Variants in TNNI3K observed in about 807,000 individuals in gnomAD.
The protein encoded by TNNI3K is TNNI3 interacting kinase.
In TNNI3K, 140 loss-of-function variants were observed where a neutral mutation model predicts 114.5. The ratio of observed to expected loss-of-function variants is 1.22; its 90% CI spans 1.07 to 1.41. The LOEUF is 1.41. Among genes scored for constraint, TNNI3K ranks in the 40% most tolerant of loss-of-function variants. The probability of loss-of-function intolerance (pLI) is 0.00; values close to 1 mark genes in which losing one functional copy is unlikely to be tolerated. For synonymous variants in TNNI3K, 347 were observed against 347.5 expected (o/e 1.00, Z 0.02); for missense variants, 1,125 against 1,007.6 (o/e 1.12, Z -1.58).
At chr1:74,412,097 G>A (rs894923318) in intron 17 of TNNI3K, among the ~76,000 whole-genome samples, 2 of 152,088 alleles carry the variant, frequency 1.3e-5, no homozygotes, top group Admixed American at 1.3e-4. Flanking sequence ...AGATAAAAGA[G>A]CCCTGCTTAT....
chr1:74,336,358 T>A (rs1048220175), intron 7 of TNNI3K, among the ~76,000 whole-genome samples: 2 of 152,186 alleles, frequency 1.3e-5, no homozygotes, highest in Admixed American at 6.5e-5. Context: ...TCTTTTTTAT[T>A]TTTAATTATA....
chr1:74,415,537 T>A (rs1665075191), intron 17 of TNNI3K, among the ~76,000 whole-genome samples: 1 of 152,162 alleles, frequency 6.6e-6, no homozygotes, highest in Non-Finnish European at 1.5e-5. Flanking sequence ...TCTTTCTTAC[T>A]TTTTGAAAAA....
rs572661123 is a variant in TNNI3K at position 74,296,459 on chromosome 1, A to G, written c.444+24751A>G. ...ATGCTATGTCATAATTATTATTTTT[A>G]ATATAGACTATTTATTTAGCTTTAA... On this transcript the variant is annotated intron_variant, in intron 5 of 24. Coordinates refer to ENST00000326637, the MANE Select transcript of TNNI3K (RefSeq NM_015978.3). Among the ~76,000 whole-genome samples the G allele has an allele frequency of 2.1e-4, 32 of 152,116 alleles. No individual in the cohort carries two copies. The South Asian group carries it at 6.6e-3, about 32-fold the overall frequency.
intron 20 of TNNI3K, among the ~76,000 whole-genome samples, chr1:74,447,249 T>C (rs987345771): frequency 6.7e-6 from 1 of 149,390 alleles, no homozygotes; most frequent in African/African-American, 2.5e-5. Flanking sequence ...CTTGAAGAGG[T>C]CCTTCACATC....
intron 17 of TNNI3K, chr1:74,378,610 A>ATATG (rs1456165616): frequency 1.6e-3 from 115 of 69,942 alleles, no homozygotes; most frequent in African/African-American, 7.0e-3. Context: ...ATATATATAT[A>ATATG]TATATATATA....
chr1:74,352,077 C>A lies in TNNI3K; in HGVS notation c.933-1189C>A, dbSNP rs1379055466. Among the ~76,000 whole-genome samples the A allele has an allele frequency of 2.0e-5, 3 of 152,214 alleles. No homozygotes were observed. In the South Asian group the frequency reaches 6.2e-4, roughly 32 times the overall value. On this transcript the variant is annotated intron_variant, in intron 9 of 24. Coordinates refer to ENST00000326637, the MANE Select transcript of TNNI3K (RefSeq NM_015978.3). ...TAGAGTTTCTGGTTGTTCTGCTCTG[C>A]TTTTTCCCCATCTTTGTGGTTTTAT...
chr1:74,389,646 GAT>G (rs1663663193), intron 17 of TNNI3K, among the ~76,000 whole-genome samples: 1 of 152,156 alleles, frequency 6.6e-6, no homozygotes, highest in South Asian at 2.1e-4. Context: ...GGCTGGGCAA[GAT>G]AAAGGACCAG....
At chr1:74,413,289 G>A (rs961984809) in intron 17 of TNNI3K, among the ~76,000 whole-genome samples, 3 of 152,172 alleles carry the variant, frequency 2.0e-5, no homozygotes, top group Non-Finnish European at 2.9e-5. Flanking sequence ...CTGGATATTA[G>A]TATAGAACAA....
chr1:74,542,498 A>G (rs1329077483), intron 24 of TNNI3K, among the ~76,000 whole-genome samples: 1 of 152,134 alleles, frequency 6.6e-6, no homozygotes, highest in African/African-American at 2.4e-5. Flanking sequence ...ATCCTCCCCC[A>G]TCATAACCTT....
chr1:74,464,399 G>T lies in TNNI3K; in HGVS notation c.2121+849G>T, dbSNP rs557117338. ...GTATTAGTTTGCATTCTTCACAATG[G>T]AGGACCTCATATGTAAAGACCTAAT... On this transcript the variant is annotated intron_variant, in intron 21 of 24. Transcript: ENST00000326637. Among the ~76,000 whole-genome samples the T allele has an allele frequency of 1.8e-4, 28 of 152,250 alleles. No individual in the cohort carries two copies. In the South Asian group the frequency reaches 5.8e-3, roughly 32 times the overall value.
intron 5 of TNNI3K, among the ~76,000 whole-genome samples, chr1:74,295,702 T>C (rs1273571193): frequency 1.3e-5 from 2 of 152,172 alleles, no homozygotes; most frequent in Non-Finnish European, 2.9e-5. Context: ...GCATGACATT[T>C]TTCTTTTGAT....
chr1:74,494,714 T>C (rs1314847742), intron 23 of TNNI3K, among the ~76,000 whole-genome samples: 1 of 152,246 alleles, frequency 6.6e-6, no homozygotes, highest in Non-Finnish European at 1.5e-5. Flanking sequence ...ATCTTGGCTT[T>C]GCCATGTACT....
At chr1:74,262,745 T>C (rs1557458961) in intron 4 of TNNI3K, among the ~76,000 whole-genome samples, 1 of 152,084 alleles carries the variant, frequency 6.6e-6, no homozygotes, top group South Asian at 2.1e-4. Context: ...CATAATCTCT[T>C]TCTAAATGAA....
At chr1:74,532,666 C>T (rs1646605395) in intron 23 of TNNI3K, among the ~76,000 whole-genome samples, 1 of 151,564 alleles carries the variant, frequency 6.6e-6, no homozygotes, top group Non-Finnish European at 1.5e-5. Context: ...TGATGTTCCC[C>T]TCCCTGTGTC....
At chr1:74,259,066 C>T (rs1344374619) in intron 4 of TNNI3K, among the ~76,000 whole-genome samples, 1 of 152,164 alleles carries the variant, frequency 6.6e-6, no homozygotes, top group Non-Finnish European at 1.5e-5. Context: ...CTTTCCAGCC[C>T]TATTCAACCA....
At chr1:74,448,428 T>A (rs1666811213) in intron 20 of TNNI3K, among the ~76,000 whole-genome samples, 1 of 147,426 alleles carries the variant, frequency 6.8e-6, no homozygotes, top group African/African-American at 2.6e-5. Context: ...ATTGACTTCC[T>A]CTTTTCCTAA....
chr1:74,392,246 C>T (rs576901904), intron 17 of TNNI3K, among the ~76,000 whole-genome samples: 15 of 151,984 alleles, frequency 9.9e-5, no homozygotes, highest in African/African-American at 3.1e-4. Context: ...CTACTAGAGC[C>T]GGTGTCCATG....
At chr1:74,516,418 C>T (rs977600133) in intron 23 of TNNI3K, among the ~76,000 whole-genome samples, 1 of 152,128 alleles carries the variant, frequency 6.6e-6, no homozygotes, top group Non-Finnish European at 1.5e-5. Flanking sequence ...AAGGCAATAT[C>T]AAATCCGTAC....
intron 17 of TNNI3K, among the ~76,000 whole-genome samples, chr1:74,382,836 G>A (rs1262545551): frequency 6.6e-6 from 1 of 152,096 alleles, no homozygotes; most frequent in East Asian, 1.9e-4. Context: ...CTTTTCTTTT[G>A]GGAGGGAAAT....
Sources: allele counts gnomAD v4.1 joint callset (sites outside exome capture counted in the v4.1 genomes callset), GRCh38; gene constraint gnomAD v4.1.1; transcripts MANE v1.5; gene names NCBI Gene and HGNC (gene_info 2026-07-23, HGNC 2026-07-21).